DPP6: variants seen among roughly 807,000 people sequenced by gnomAD.
DPP6 encodes the protein A-type potassium channel modulatory protein DPP6.
In DPP6, 69 loss-of-function variants were observed where a neutral mutation model predicts 122.6. The observed-to-expected ratio is 0.56, with a 90% CI of 0.46 to 0.69. The LOEUF (loss-of-function observed/expected upper bound fraction) is 0.69, where lower values mean the gene tolerates loss of function less well. DPP6 is among the 30% of genes least tolerant of loss of function. The pLI is 0.00. For synonymous variants in DPP6, 418 were observed against 433.1 expected (o/e 0.97, Z 0.43); for missense variants, 928 against 1,116.9 (o/e 0.83, Z 2.41).
At position 154,697,811 on chromosome 7, in the gene DPP6, G is replaced by A. The variant is rs76464847; in HGVS notation, c.762+28370G>A. ...AATTCCCACCACCTTCAGCCATGGC[G>A]TGCGCGGCTCTGTCTGTACACTCAG... On this transcript the variant is annotated intron_variant, in intron 7 of 25. Transcript: ENST00000377770. Among the ~76,000 whole-genome samples the A allele has an allele frequency of 8.3e-3, 1,262 of 152,188 alleles. 19 individuals are homozygous for A. Among genetic ancestry groups the A allele is most frequent in the African/African-American group, 0.029 (1,191 of 41,534 alleles).
Position 154,126,447 on chromosome 7 carries a change from T to C in DPP6, c.243+73384T>C, listed in dbSNP as rs1197979697. Among the ~76,000 whole-genome samples, 3 of 151,972 alleles carry C rather than the reference T, an allele frequency of 2.0e-5. No homozygotes were observed. The South Asian group carries it at 6.2e-4, about 32-fold the overall frequency. Reference sequence around the variant, plus strand: ...GAAACCTGGATGTGCTGTCATCTTATGAGGGCTTGTCATTTGCTAGGAACA... The same window carrying C: ...GAAACCTGGATGTGCTGTCATCTTACGAGGGCTTGTCATTTGCTAGGAACA... On this transcript the variant is annotated intron_variant, in intron 1 of 25. Transcript: ENST00000377770.
intron 18 of DPP6, among the ~76,000 whole-genome samples, chr7:154,868,654 A>C (rs913966407): frequency 4.6e-5 from 7 of 152,188 alleles, no homozygotes; most frequent in Non-Finnish European, 8.8e-5. Flanking sequence ...GTTGCTAAGC[A>C]CTAAACACCC....
intron 2 of DPP6, among the ~76,000 whole-genome samples, chr7:154,464,388 T>C (rs1821605335): frequency 6.6e-6 from 1 of 152,238 alleles, no homozygotes; most frequent in East Asian, 1.9e-4. Context: ...TTCAGTGATA[T>C]GAAGTCAAAA....
intron 1 of DPP6, among the ~76,000 whole-genome samples, chr7:154,352,859 G>A (rs1488380723): frequency 6.6e-6 from 1 of 152,168 alleles, no homozygotes; most frequent in East Asian, 1.9e-4. Context: ...AGATGCAGAT[G>A]TTTATGCACT....
chr7:154,675,186 C>T (rs1357344572), intron 7 of DPP6, among the ~76,000 whole-genome samples: 2 of 151,916 alleles, frequency 1.3e-5, no homozygotes, highest in Non-Finnish European at 2.9e-5. Flanking sequence ...GGGCAGGGAA[C>T]GTCCACACCG....
intron 1 of DPP6, among the ~76,000 whole-genome samples, chr7:154,323,091 A>G (rs1477019323): frequency 1.3e-5 from 2 of 150,618 alleles, no homozygotes; most frequent in African/African-American, 5.0e-5. Flanking sequence ...GGAATAATAA[A>G]GAAACTTCAA....
intron 10 of DPP6, among the ~76,000 whole-genome samples, chr7:154,791,902 C>T (rs1797705434): frequency 1.3e-5 from 2 of 152,222 alleles, no homozygotes; most frequent in African/African-American, 2.4e-5. Flanking sequence ...GCATCCATCT[C>T]ATTTTCATTT....
chr7:154,527,320 C>T (rs1004185042), intron 3 of DPP6, among the ~76,000 whole-genome samples: 2 of 152,096 alleles, frequency 1.3e-5, no homozygotes, highest in African/African-American at 2.4e-5. Flanking sequence ...CCTTTGGGCT[C>T]AGATATTGCC....
intron 3 of DPP6, among the ~76,000 whole-genome samples, chr7:154,520,393 A>G (rs1586526015): frequency 6.6e-6 from 1 of 152,368 alleles, no homozygotes; most frequent in Non-Finnish European, 1.5e-5. Flanking sequence ...AGAGGGGACT[A>G]TCATGCTCTA....
intron 7 of DPP6, among the ~76,000 whole-genome samples, chr7:154,684,106 C>A (rs1464229160): frequency 2.6e-5 from 4 of 152,092 alleles, no homozygotes; most frequent in Non-Finnish European, 5.9e-5. Flanking sequence ...CTGCACTAAG[C>A]AATCCTTCTA....
Position 154,760,460 on chromosome 7 carries a change from A to G in DPP6, c.884-8957A>G, listed in dbSNP as rs1220234020. On this transcript the variant is annotated intron_variant, in intron 8 of 25. Coordinates refer to ENST00000377770, the MANE Select transcript of DPP6 (RefSeq NM_130797.4). The surrounding 1 kb of genome is among the most constrained non-coding windows in gnomAD (Gnocchi z 4.5). Reference sequence around the variant, plus strand: ...AGCCAGTTCTCTTATCTCGGGGCGGAGGGAGCGTCAGTGTTTCAGCAGGTT... The same window carrying G: ...AGCCAGTTCTCTTATCTCGGGGCGGGGGGAGCGTCAGTGTTTCAGCAGGTT... Among the ~76,000 whole-genome samples, 1 of 152,036 alleles carries G rather than the reference A, an allele frequency of 6.6e-6. No individual in the cohort carries two copies. Among genetic ancestry groups the G allele is most frequent in the Non-Finnish European group, 1.5e-5 (1 of 68,014 alleles).
intron 1 of DPP6, among the ~76,000 whole-genome samples, chr7:154,078,617 T>C (rs548017011): frequency 5.1e-4 from 77 of 152,266 alleles, no homozygotes; most frequent in Middle Eastern, 6.8e-3. Flanking sequence ...GAAACCACTG[T>C]AGGATATAAA....
At chr7:154,551,372 T>G (rs1421339321) in intron 4 of DPP6, among the ~76,000 whole-genome samples, 1 of 152,156 alleles carries the variant, frequency 6.6e-6, no homozygotes, top group Non-Finnish European at 1.5e-5. Flanking sequence ...AAAAGCAAAA[T>G]TTTTGTGCTA....
At chr7:154,303,470 C>A (rs893121506) in intron 1 of DPP6, among the ~76,000 whole-genome samples, 1 of 152,136 alleles carries the variant, frequency 6.6e-6, no homozygotes, top group Non-Finnish European at 1.5e-5. Flanking sequence ...GAACCTGTGA[C>A]CGTAGGAAGA....
intron 3 of DPP6, among the ~76,000 whole-genome samples, chr7:154,520,459 CTGTGG>C (rs1393495515): frequency 6.6e-6 from 1 of 152,278 alleles, no homozygotes; most frequent in Non-Finnish European, 1.5e-5. Context: ...CATAGCCAGT[CTGTGG>C]CAAAGCCTAA....
At chr7:154,392,884 C>T (rs542951686) in intron 1 of DPP6, among the ~76,000 whole-genome samples, 109 of 152,254 alleles carry the variant, frequency 7.2e-4, no homozygotes, top group African/African-American at 2.0e-3. Context: ...GGTGAGCACG[C>T]GGGGCTGGGC....
intron 1 of DPP6, among the ~76,000 whole-genome samples, chr7:154,257,421 C>T (rs1191383813): frequency 2.6e-5 from 4 of 152,054 alleles, no homozygotes; most frequent in East Asian, 3.9e-4. Context: ...CGGTCTGGTG[C>T]GGGTGGCTCA....
chr7:154,849,075 G>A (rs1046682978), intron 16 of DPP6, among the ~76,000 whole-genome samples: 12 of 151,020 alleles, frequency 7.9e-5, no homozygotes, highest in Admixed American at 1.3e-4. Context: ...TTTGTAATAC[G>A]TTTTGAAATC....
At chr7:154,780,700 A>G (rs1796966045) in intron 10 of DPP6, among the ~76,000 whole-genome samples, 1 of 152,254 alleles carries the variant, frequency 6.6e-6, no homozygotes, top group Non-Finnish European at 1.5e-5. Flanking sequence ...CAAATTCAGT[A>G]CATGGATTTC....
Sources: gnomAD v4.1 joint callset for allele counts (sites outside exome capture counted in the v4.1 genomes callset) on GRCh38, gnomAD v4.1.1 for gene constraint, Gnocchi (gnomAD v3.1) non-coding constraint, MANE v1.5 for transcripts, NCBI Gene and HGNC (gene_info 2026-07-23, HGNC 2026-07-21) for gene names.